The following SAXO1 variants were observed in gnomAD, a reference collection of about 807,000 sequenced individuals.
SAXO1 encodes 4930500O09Rik.
SAXO1 carries 21 observed loss-of-function variants against 17.5 expected under a neutral mutation model. The observed-to-expected ratio is 1.20, with a 90% CI of 0.85 to 1.72. The LOEUF (loss-of-function observed/expected upper bound fraction) is 1.72, where lower values mean the gene tolerates loss of function less well. SAXO1 is among the 40% of genes most tolerant of loss of function. The probability of loss-of-function intolerance (pLI) is 0.00; values close to 1 mark genes in which losing one functional copy is unlikely to be tolerated. For missense variants in SAXO1, 843 were observed against 596.0 expected (o/e 1.41, Z -4.32); for synonymous variants, 274 against 216.5 (o/e 1.27, Z -2.33).
chr9:19,022,899 G>A (rs1031307186), intron 1 of SAXO1, among the ~76,000 whole-genome samples: 2 of 152,194 alleles, frequency 1.3e-5, no homozygotes, highest in Non-Finnish European at 2.9e-5. Flanking sequence ...TATGCAGGGA[G>A]TACGTCTTTA....
intron 1 of SAXO1, chr9:19,027,857 C>T: frequency 7.2e-7 from 1 of 1,394,332 alleles, no homozygotes; most frequent in African/African-American, 1.4e-5. Context: ...GGACCCCGCC[C>T]TGCTACGCTA....
Position 19,005,083 on chromosome 9 carries a change from G to C in SAXO1, c.38+27788C>G, listed in dbSNP as rs748558045. Among the ~76,000 whole-genome samples, 137 of 152,046 alleles carry C rather than the reference G, an allele frequency of 9.0e-4. 2 individuals carry two copies. Among genetic ancestry groups the C allele is most frequent in the Admixed American group, 1.2e-3 (19 of 15,254 alleles). Reference sequence around the variant, plus strand: ...TAGGAATAAATTTAACCAAGGAAGTGAAAGACTTTCACATTCAAAAAACTA... The same window carrying C: ...TAGGAATAAATTTAACCAAGGAAGTCAAAGACTTTCACATTCAAAAAACTA... On this transcript the variant is annotated intron_variant, in intron 1 of 3. Transcript: ENST00000380534.
intron 1 of SAXO1, among the ~76,000 whole-genome samples, chr9:18,967,693 G>A (rs1181957263): frequency 2.0e-5 from 3 of 152,168 alleles, no homozygotes; most frequent in Admixed American, 2.0e-4. Flanking sequence ...CATTGGGGGA[G>A]GATCCGCTGA....
intron 1 of SAXO1, among the ~76,000 whole-genome samples, chr9:18,994,471 C>A (rs1833928861): frequency 6.6e-6 from 1 of 152,160 alleles, no homozygotes; most frequent in South Asian, 2.1e-4. Flanking sequence ...TGGTAGACCA[C>A]CCAGTGTTGT....
At chr9:18,965,526 T>C in intron 1 of SAXO1, among the ~76,000 whole-genome samples, 1 of 152,242 alleles carries the variant, frequency 6.6e-6, no homozygotes, top group African/African-American at 2.4e-5. Flanking sequence ...TATTTGATCT[T>C]TGTTGATTTA....
upstream of SAXO1, among the ~76,000 whole-genome samples, chr9:19,035,325 T>C (rs1181810134): frequency 1.3e-5 from 2 of 152,332 alleles, no homozygotes; most frequent in Non-Finnish European, 2.9e-5. Flanking sequence ...CGGTTTTATC[T>C]TCATTTTTCT....
Position 18,928,428 on chromosome 9 carries a change from A to G in SAXO1, c.1049T>C (p.Met350Thr), listed in dbSNP as rs766158929. ...TKDDYKQWSS[M>T]RTEPVKPVPQ... ...AACGGGCTTGACTGGCTCTGTGCGC[A>G]TGCTGGACCACTGCTTGTAGTCATC... Residue 350 changes from methionine to threonine, a missense_variant, in exon 4 of 4, where the codon ATG (methionine) becomes ACG (threonine). Transcript: ENST00000380534. 9.9e-6 allele frequency: 16 copies of G among 1,608,752 alleles called. No individual in the cohort carries two copies. Among genetic ancestry groups the G allele is most frequent in the South Asian group, 5.5e-5 (5 of 90,382 alleles).
intron 1 of SAXO1, among the ~76,000 whole-genome samples, chr9:19,004,963 A>T (rs1834428456): frequency 6.6e-6 from 1 of 152,232 alleles, no homozygotes; most frequent in Non-Finnish European, 1.5e-5. Context: ...GTACAAAACC[A>T]ACACACTAAA....
chr9:18,938,953 C>G (rs1215797767), intron 3 of SAXO1, among the ~76,000 whole-genome samples: 1 of 151,774 alleles, frequency 6.6e-6, no homozygotes, highest in Non-Finnish European at 1.5e-5. Flanking sequence ...TTGCCAACCC[C>G]CAAGACAAGC....
At chr9:19,004,919 G>C (rs1034097288) in intron 1 of SAXO1, among the ~76,000 whole-genome samples, 1 of 152,054 alleles carries the variant, frequency 6.6e-6, no homozygotes, top group African/African-American at 2.4e-5. Context: ...AAAACTCTTT[G>C]AACTAATAAA....
At chr9:19,003,177 A>G (rs550558228) in intron 1 of SAXO1, among the ~76,000 whole-genome samples, 1 of 152,328 alleles carries the variant, frequency 6.6e-6, no homozygotes, top group Non-Finnish European at 1.5e-5. Context: ...CTAGGAATCC[A>G]ACTTACAAGG....
At chr9:18,939,128 G>A (rs563327176) in intron 3 of SAXO1, among the ~76,000 whole-genome samples, 13 of 152,102 alleles carry the variant, frequency 8.5e-5, no homozygotes, top group African/African-American at 2.2e-4. Context: ...GTCCGCCATC[G>A]GATATGCCAT....
In SAXO1 at chr9:19,005,119, C is replaced by A. The variant is rs549404073; in HGVS notation, c.38+27752G>T. Among the ~76,000 whole-genome samples the A allele has an allele frequency of 2.9e-4, 44 of 152,160 alleles. No homozygotes were observed. In the East Asian group the frequency reaches 8.3e-3, roughly 29 times the overall value. On this transcript the variant is annotated intron_variant, in intron 1 of 3. Transcript: ENST00000380534. ...ACATTCAAAAAACTACAAGACATTG[C>A]TGAAAGAAATTAAAGAAGACAAATA...
At chr9:19,004,506 C>G (rs1412048104) in intron 1 of SAXO1, among the ~76,000 whole-genome samples, 1 of 152,170 alleles carries the variant, frequency 6.6e-6, no homozygotes, top group African/African-American at 2.4e-5. Flanking sequence ...GAAAATGTGA[C>G]ACATATACAC....
chr9:18,952,898 T>C (rs754497345), intron 1 of SAXO1, among the ~76,000 whole-genome samples: 9 of 152,208 alleles, frequency 5.9e-5, no homozygotes, highest in South Asian at 4.1e-4. Flanking sequence ...TCCTAATTGT[T>C]GGCAAATAAA....
At chr9:18,938,077 C>T (rs779451869) in intron 3 of SAXO1, among the ~76,000 whole-genome samples, 1 of 152,188 alleles carries the variant, frequency 6.6e-6, no homozygotes, top group African/African-American at 2.4e-5. Context: ...CCCTGTCCAT[C>T]TATGCATGCC....
rs143846241 is a variant in SAXO1 at position 18,963,790 on chromosome 9, T to C, written c.39-12853A>G. Reference sequence around the variant, plus strand: ...TAATTGAATACCCTTTATTTCTTTCTCTTGCCTGATTGCCCTGGCCAGAAT... The same window carrying C: ...TAATTGAATACCCTTTATTTCTTTCCCTTGCCTGATTGCCCTGGCCAGAAT... On this transcript the variant is annotated intron_variant, in intron 1 of 3. Coordinates refer to ENST00000380534, the MANE Select transcript of SAXO1 (RefSeq NM_153707.4). Among the ~76,000 whole-genome samples the C allele has an allele frequency of 8.1e-3, 1,236 of 152,298 alleles. 15 individuals carry two copies. Among genetic ancestry groups the C allele is most frequent in the African/African-American group, 0.028 (1,170 of 41,548 alleles).
chr9:19,048,330 G>T (rs1401213222), intron 1 of SAXO1, among the ~76,000 whole-genome samples: 2 of 152,116 alleles, frequency 1.3e-5, no homozygotes, highest in East Asian at 3.9e-4. Flanking sequence ...GGTGGCAGGT[G>T]CCCACAATCC....
At chr9:19,021,620 G>A (rs1363577788) in intron 1 of SAXO1, among the ~76,000 whole-genome samples, 1 of 152,192 alleles carries the variant, frequency 6.6e-6, no homozygotes, top group Non-Finnish European at 1.5e-5. Flanking sequence ...ACCTGAACAA[G>A]TTCACAAAGC....
Sources: gnomAD v4.1 joint callset for allele counts (sites outside exome capture counted in the v4.1 genomes callset) on GRCh38, gnomAD v4.1.1 for gene constraint, MANE v1.5 for transcripts, NCBI Gene and HGNC (gene_info 2026-07-23, HGNC 2026-07-21) for gene names.